Variants in HPSE2 observed in about 807,000 individuals in gnomAD.
HPSE2 encodes the protein inactive heparanase-2.
A neutral mutation model predicts 60.5 loss-of-function variants in HPSE2; 38 were observed. That is an observed-to-expected ratio of 0.63 (90% confidence interval 0.48 to 0.82). The LOEUF is 0.82. Among genes scored for constraint, HPSE2 ranks in the 40% least tolerant of loss-of-function variants. The pLI, the probability that HPSE2 is intolerant of heterozygous loss-of-function variation, is 0.00. For synonymous variants in HPSE2, 295 were observed against 293.2 expected (o/e 1.01, Z -0.06); for missense variants, 713 against 740.4 (o/e 0.96, Z 0.43).
chr10:98,633,185 TTTTC>T (rs1946410674), intron 7 of HPSE2, among the ~76,000 whole-genome samples: 6 of 152,252 alleles, frequency 3.9e-5, no homozygotes, highest in Middle Eastern at 6.8e-3. Context: ...TATGATTTTA[TTTTC>T]TTTCTTTTTA....
At chr10:98,891,911 C>T (rs1057216558) in intron 3 of HPSE2, among the ~76,000 whole-genome samples, 9 of 152,008 alleles carry the variant, frequency 5.9e-5, no homozygotes, top group African/African-American at 2.2e-4. Flanking sequence ...GCTGGGAATA[C>T]ACACGTGTGC....
At chr10:98,988,048 TCG>T in intron 3 of HPSE2, among the ~76,000 whole-genome samples, 1 of 152,244 alleles carries the variant, frequency 6.6e-6, no homozygotes, top group Admixed American at 6.5e-5. Flanking sequence ...AGAATCAATA[TCG>T]TGAAAATGGC....
chr10:98,746,282 C>T (rs1190926774), intron 3 of HPSE2, among the ~76,000 whole-genome samples: 1 of 108,704 alleles, frequency 9.2e-6, no homozygotes, highest in African/African-American at 3.1e-5. Flanking sequence ...ATCATGAAAC[C>T]AGTATATAAT....
chr10:99,209,515 T>C (rs1848880274), intron 2 of HPSE2, among the ~76,000 whole-genome samples: 1 of 151,766 alleles, frequency 6.6e-6, no homozygotes, highest in Non-Finnish European at 1.5e-5. Context: ...TAGCAATAAA[T>C]GCTTACAGGG....
chr10:99,088,687 TATA>T (rs554238188), intron 3 of HPSE2, among the ~76,000 whole-genome samples: 4 of 152,214 alleles, frequency 2.6e-5, no homozygotes, highest in Non-Finnish European at 5.9e-5. Context: ...ATCTTTTTCG[TATA>T]ATGACTTATT....
intron 5 of HPSE2, among the ~76,000 whole-genome samples, chr10:98,712,738 T>A (rs766825993): frequency 1.3e-5 from 2 of 152,102 alleles, no homozygotes; most frequent in Non-Finnish European, 2.9e-5. Context: ...TGAGCCACGA[T>A]AGGAGCAGAA....
intron 3 of HPSE2, among the ~76,000 whole-genome samples, chr10:98,793,519 A>C (rs1310821915): frequency 6.6e-6 from 1 of 152,234 alleles, no homozygotes; most frequent in African/African-American, 2.4e-5. Flanking sequence ...AGTCATCAGA[A>C]CAGACAAGGT....
chr10:98,925,361 T>TG (rs1259173443), intron 3 of HPSE2, among the ~76,000 whole-genome samples: 1 of 92,958 alleles, frequency 1.1e-5, no homozygotes, highest in Non-Finnish European at 2.1e-5. Flanking sequence ...TTATTTTAAT[T>TG]GGCTTTTTTT....
chr10:99,245,189 G>A, the HPSE2 span, among the ~76,000 whole-genome samples: 1 of 152,050 alleles, frequency 6.6e-6, no homozygotes, highest in Non-Finnish European at 1.5e-5. Context: ...AAAATAACGT[G>A]CAAGCCTAGG....
At chr10:99,256,872 T>C in the HPSE2 span, among the ~76,000 whole-genome samples, 2 of 152,148 alleles carry the variant, frequency 1.3e-5, no homozygotes, top group African/African-American at 4.8e-5. Flanking sequence ...GCCAACATGG[T>C]GATACCCTGT....
chr10:98,758,212 TA>T (rs34906764), intron 3 of HPSE2, among the ~76,000 whole-genome samples: 62,212 of 151,402 alleles, frequency 0.41, 14,209 homozygotes, highest in South Asian at 0.55. Flanking sequence ...GATGTAAATG[TA>T]AAATGTAGAA....
At chr10:98,546,505 C>T (rs1244958821) in intron 9 of HPSE2, among the ~76,000 whole-genome samples, 1 of 151,600 alleles carries the variant, frequency 6.6e-6, no homozygotes, top group African/African-American at 2.4e-5. Context: ...CGCCGCATAC[C>T]TACAACTATC....
At chr10:98,776,278 C>CAAAAAAAAAAAAAAAAAAAAAA (rs35176062) in intron 3 of HPSE2, among the ~76,000 whole-genome samples, 1 of 137,084 alleles carries the variant, frequency 7.3e-6, no homozygotes. Context: ...ACTAAAAATA[C>CAAAAAAAAAAAAAAAAAAAAAA]AAAAAAAAAA....
chr10:99,147,212 C>T (rs192841725), intron 2 of HPSE2, among the ~76,000 whole-genome samples: 2 of 152,270 alleles, frequency 1.3e-5, no homozygotes, highest in Non-Finnish European at 2.9e-5. Flanking sequence ...AATTTCAGTG[C>T]TCTTTCCAGA....
At chr10:99,262,943 ACCTTCTTT>A in the HPSE2 span, among the ~76,000 whole-genome samples, 1 of 152,032 alleles carries the variant, frequency 6.6e-6, no homozygotes, top group Non-Finnish European at 1.5e-5. Flanking sequence ...AGTCATCCCA[ACCTTCTTT>A]GTTACACACA....
chr10:98,577,881 T>A (rs568177684), intron 9 of HPSE2, among the ~76,000 whole-genome samples: 1 of 152,198 alleles, frequency 6.6e-6, no homozygotes, highest in Non-Finnish European at 1.5e-5. Flanking sequence ...TTATTTGAGC[T>A]CTCCAAATGC....
At chr10:99,243,868 G>A in the HPSE2 span, among the ~76,000 whole-genome samples, 1 of 152,076 alleles carries the variant, frequency 6.6e-6, no homozygotes, top group Non-Finnish European at 1.5e-5. Context: ...CCTGGGAGGT[G>A]GAGGTTGCAG....
At chr10:99,239,588 C>T (rs564336695), upstream of HPSE2, among the ~76,000 whole-genome samples, 22 of 151,764 alleles carry the variant, frequency 1.4e-4, no homozygotes, top group African/African-American at 4.6e-4. Flanking sequence ...CATCGCCACG[C>T]GCAGCTAATT....
chr10:98,969,198 A>G (rs1955888709), intron 3 of HPSE2, among the ~76,000 whole-genome samples: 1 of 152,082 alleles, frequency 6.6e-6, no homozygotes, highest in Non-Finnish European at 1.5e-5. Context: ...TCCTCACACA[A>G]TCACTTCTCA....
Sources: gnomAD v4.1 joint callset for allele counts (sites outside exome capture counted in the v4.1 genomes callset) on GRCh38, gnomAD v4.1.1 for gene constraint, MANE v1.5 for transcripts, NCBI Gene and HGNC (gene_info 2026-07-23, HGNC 2026-07-21) for gene names.